ZFAND3: variants seen among roughly 807,000 people sequenced by gnomAD.
The protein encoded by ZFAND3 is AN1-type zinc finger protein 3.
Under a neutral mutation model 29.6 loss-of-function variants are expected in ZFAND3, and 10 were observed. The observed-to-expected ratio is 0.34, with a 90% CI of 0.21 to 0.57. The LOEUF (loss-of-function observed/expected upper bound fraction) is 0.57. Among genes scored for constraint, ZFAND3 ranks in the 20% least tolerant of loss-of-function variants. The pLI, the probability that ZFAND3 is intolerant of heterozygous loss-of-function variation, is 0.86. For missense variants in ZFAND3, 230 were observed against 304.5 expected (o/e 0.76, Z 1.82); for synonymous variants, 128 against 112.6 (o/e 1.14, Z -0.87).
At chr6:37,986,511 C>T (rs1762673462) in intron 2 of ZFAND3, among the ~76,000 whole-genome samples, 1 of 152,154 alleles carries the variant, frequency 6.6e-6, no homozygotes, top group Non-Finnish European at 1.5e-5. Context: ...GAACTAACCA[C>T]CAGTTTTCTT....
intron 2 of ZFAND3, among the ~76,000 whole-genome samples, chr6:37,936,678 CAG>C (rs1413674832): frequency 1.3e-5 from 2 of 152,174 alleles, no homozygotes; most frequent in Non-Finnish European, 2.9e-5. Context: ...GTGGTAGTCT[CAG>C]AGTAAGAGTA....
At chr6:37,947,317 A>T (rs753109827) in intron 2 of ZFAND3, among the ~76,000 whole-genome samples, 3 of 152,162 alleles carry the variant, frequency 2.0e-5, no homozygotes, top group Non-Finnish European at 2.9e-5. Flanking sequence ...TTTCCTTTTC[A>T]TATTTATCTG....
chr6:38,077,080 A>G (rs1035199345), intron 3 of ZFAND3, among the ~76,000 whole-genome samples: 10 of 151,372 alleles, frequency 6.6e-5, no homozygotes, highest in African/African-American at 4.8e-5. Flanking sequence ...TTGTTTCACT[A>G]TCTCCATTGC....
chr6:37,846,959 C>T (rs375929310), intron 1 of ZFAND3, among the ~76,000 whole-genome samples: 41 of 152,132 alleles, frequency 2.7e-4, no homozygotes, highest in African/African-American at 8.9e-4. Flanking sequence ...GATCTGCCTG[C>T]CTCAGCCTCC....
intron 2 of ZFAND3, among the ~76,000 whole-genome samples, chr6:38,030,360 C>A (rs185076151): frequency 1.7e-3 from 254 of 151,876 alleles, no homozygotes; most frequent in African/African-American, 5.9e-3. Context: ...CCACAGTAAG[C>A]ACTGTTTTTT....
At chr6:38,100,974 A>C (rs555850699) in intron 4 of ZFAND3, among the ~76,000 whole-genome samples, 4 of 152,322 alleles carry the variant, frequency 2.6e-5, no homozygotes, top group African/African-American at 9.6e-5. Context: ...TAATTCTTAA[A>C]ATCGGAATTA....
intron 1 of ZFAND3, among the ~76,000 whole-genome samples, chr6:37,896,568 T>TTCTTTCTTTTCTTTCTTTCTTTCTC (rs1347314739): frequency 6.2e-5 from 9 of 145,744 alleles, no homozygotes; most frequent in South Asian, 2.2e-4. Context: ...CTTTCTTTCT[T>TTCTTTCTTTTCTTTCTTTCTTTCTC]TCTCTCTTTC....
intron 3 of ZFAND3, among the ~76,000 whole-genome samples, chr6:38,069,353 C>T (rs1396251807): frequency 1.3e-5 from 2 of 152,158 alleles, no homozygotes; most frequent in Non-Finnish European, 2.9e-5. Context: ...GTGTGTCTTT[C>T]TCTTTGCTTT....
In ZFAND3 at chr6:37,918,865, G is replaced by C. The variant is rs188050509; in HGVS notation, c.72-11094G>C. ...CCTTATTGTTATCTCTCTTAAATTTGTCATTCTCAGTTTAATTCTCAGATA... is the reference window on the plus strand; with the variant it reads ...CCTTATTGTTATCTCTCTTAAATTTCTCATTCTCAGTTTAATTCTCAGATA... On this transcript the variant is annotated intron_variant, in intron 1 of 5. Coordinates refer to ENST00000287218, the MANE Select transcript of ZFAND3 (RefSeq NM_021943.3). Among the ~76,000 whole-genome samples the C allele has an allele frequency of 1.6e-3, 247 of 150,716 alleles. 1 individual carries two copies. The highest frequency in any genetic ancestry group is 5.8e-3 in the African/African-American group (236 of 40,870).
intron 2 of ZFAND3, among the ~76,000 whole-genome samples, chr6:38,060,589 C>T (rs1376264975): frequency 6.6e-6 from 1 of 151,716 alleles, no homozygotes; most frequent in African/African-American, 2.4e-5. Flanking sequence ...GTAGCTGAGA[C>T]TACAAGTGTG....
intron 1 of ZFAND3, among the ~76,000 whole-genome samples, chr6:37,893,053 A>ACACG (rs1465575293): frequency 6.6e-6 from 1 of 152,154 alleles, no homozygotes; most frequent in Non-Finnish European, 1.5e-5. Flanking sequence ...ACACACACAC[A>ACACG]CACGCATGCA....
At chr6:37,995,844 T>C (rs1762840139) in intron 2 of ZFAND3, among the ~76,000 whole-genome samples, 2 of 152,044 alleles carry the variant, frequency 1.3e-5, no homozygotes, top group African/African-American at 4.8e-5. Flanking sequence ...CAGTGAGACT[T>C]GGCCGGGCAC....
chr6:37,839,800 A>G (rs2127373213), intron 1 of ZFAND3, among the ~76,000 whole-genome samples: 1 of 152,278 alleles, frequency 6.6e-6, no homozygotes, highest in African/African-American at 2.4e-5. Context: ...GGCTTGAGCC[A>G]CCGCACCCGG....
chr6:37,853,606 C>T (rs116709654), intron 1 of ZFAND3, among the ~76,000 whole-genome samples: 3 of 152,062 alleles, frequency 2.0e-5, no homozygotes, highest in African/African-American at 7.2e-5. Flanking sequence ...TTCTGAGTTC[C>T]AAACAGTTGA....
At chr6:37,963,496 A>G (rs562389297) in intron 2 of ZFAND3, among the ~76,000 whole-genome samples, 43 of 152,344 alleles carry the variant, frequency 2.8e-4, no homozygotes, top group Non-Finnish European at 5.7e-4. Context: ...GCAGAAATAC[A>G]TGAATTTGAG....
chr6:38,060,086 A>G (rs1436888404), intron 2 of ZFAND3, among the ~76,000 whole-genome samples: 3 of 152,150 alleles, frequency 2.0e-5, no homozygotes, highest in Admixed American at 6.5e-5. Context: ...AAGCTTTTCA[A>G]CCAAACCCAG....
chr6:38,078,027 T>A (rs1176243616), intron 3 of ZFAND3, among the ~76,000 whole-genome samples: 1 of 152,216 alleles, frequency 6.6e-6, no homozygotes, highest in Admixed American at 6.5e-5. Context: ...TTTATTTACT[T>A]CTGTTTTTGC....
intron 5 of ZFAND3, among the ~76,000 whole-genome samples, chr6:38,143,563 C>G (rs9470798): frequency 0.12 from 18,052 of 152,306 alleles, 1,326 homozygotes; most frequent in East Asian, 0.29. Flanking sequence ...GATTGCTTCT[C>G]TTTTAAAGCT....
In ZFAND3 at chr6:38,116,639, C is replaced by G. The variant is rs139734123; in HGVS notation, c.429C>G (p.Ser143=). ...GACTACTTGAGAATACGGAACGGTC[C>G]GAGGAAACCAGTCGATCTAAACAGA... ...RPRLLENTER[S]EETSRSKQKS... is the part of the protein sequence containing the mutation. Residue 143 remains serine (S), a synonymous_variant, in exon 5 of 6, where the codon TCC becomes TCG. Transcript: ENST00000287218. 9 of 1,614,124 alleles carry G rather than the reference C, an allele frequency of 5.6e-6. No individual in the cohort carries two copies. In the East Asian group the frequency reaches 2.0e-4, roughly 36 times the overall value.
Sources: gnomAD v4.1 joint callset for allele counts (sites outside exome capture counted in the v4.1 genomes callset) on GRCh38, gnomAD v4.1.1 for gene constraint, MANE v1.5 for transcripts, NCBI Gene and HGNC (gene_info 2026-07-23, HGNC 2026-07-21) for gene names.